RUBCN: variants seen among roughly 807,000 people sequenced by gnomAD.
RUBCN encodes the protein run domain Beclin-1-interacting and cysteine-rich domain-containing protein.
A neutral mutation model predicts 113.2 loss-of-function variants in RUBCN; 74 were observed. The ratio of observed to expected loss-of-function variants is 0.65; its 90% CI spans 0.54 to 0.79. RUBCN has a LOEUF of 0.79. RUBCN is among the 30% of genes least tolerant of loss of function. The pLI, the probability that RUBCN is intolerant of heterozygous loss-of-function variation, is 0.00. For missense variants in RUBCN, 1,109 were observed against 1,251.7 expected, an observed-to-expected ratio of 0.89 and a Z score of 1.72; for synonymous variants, 480 against 490.0, an observed-to-expected ratio of 0.98 and a Z score of 0.27.
At chr3:197,726,747 G>C (rs1726806197) in intron 1 of RUBCN, among the ~76,000 whole-genome samples, 1 of 145,502 alleles carries the variant, frequency 6.9e-6, no homozygotes, top group Non-Finnish European at 1.5e-5. Flanking sequence ...TCACCATGTT[G>C]GTCAGGCTGG....
chr3:197,699,092 C>G (rs1723343697), intron 7 of RUBCN: 3 of 862,262 alleles, frequency 3.5e-6, no homozygotes, highest in Non-Finnish European at 5.8e-6. Context: ...CCAGGCTAGC[C>G]AGACTTGATT....
intron 2 of RUBCN, among the ~76,000 whole-genome samples, chr3:197,711,911 C>A (rs967121731): frequency 5.3e-5 from 8 of 151,532 alleles, no homozygotes; most frequent in African/African-American, 1.9e-4. Flanking sequence ...AGAAAATATA[C>A]CTCAATGTTA....
intron 2 of RUBCN, among the ~76,000 whole-genome samples, chr3:197,717,744 A>C (rs775374054): frequency 6.6e-6 from 1 of 152,088 alleles, no homozygotes; most frequent in Non-Finnish European, 1.5e-5. Flanking sequence ...TTTTAAGTTG[A>C]CCTAATCTTT....
chr3:197,670,804 T>A lies in RUBCN; in HGVS notation c.*4214A>T, dbSNP rs1719715017. Among the ~76,000 whole-genome samples, 1 of 152,206 alleles carries A rather than the reference T, an allele frequency of 6.6e-6. No homozygotes were observed. The highest frequency in any genetic ancestry group is 1.5e-5 in the Non-Finnish European group (1 of 68,036). On this transcript the variant is annotated 3_prime_UTR_variant, in exon 20 of 20. Coordinates refer to ENST00000296343, the MANE Select transcript of RUBCN (RefSeq NM_014687.4). ...GGCAAGGAAAGAGCTGGCAGTTTAA[T>A]AATAAAGTGACTGAAGGACATTTGG...
intron 11 of RUBCN, 32 bp from the exon 12 acceptor site, chr3:197,684,249 A>G: frequency 1.3e-6 from 2 of 1,579,526 alleles, no homozygotes; most frequent in South Asian, 1.1e-5. Context: ...GGGGAGCGCA[A>G]TGGAAACGGG....
At chr3:197,689,729 T>C (rs1395810329) in intron 11 of RUBCN, among the ~76,000 whole-genome samples, 1 of 152,264 alleles carries the variant, frequency 6.6e-6, no homozygotes, top group Non-Finnish European at 1.5e-5. Flanking sequence ...GCACAAGTGA[T>C]ATTTTGATAC....
rs772081815 is a variant in RUBCN at position 197,705,100 on chromosome 3, C to T, written c.295G>A (p.Val99Met). 6.3e-5 allele frequency: 102 copies of T among 1,613,168 alleles called. 1 individual carries two copies. Among genetic ancestry groups the T allele is most frequent in the Non-Finnish European group, 8.1e-5 (96 of 1,179,340 alleles). Residue 99 changes from valine (V) to methionine (M), a missense_variant, in exon 3 of 20, where the codon GTG becomes ATG. Val to Met is a conservative substitution (Grantham distance 21, BLOSUM62 1). Coordinates refer to ENST00000296343, the MANE Select transcript of RUBCN (RefSeq NM_014687.4). ...TCTGCTCTCACTCTTACCTTCTCCACGTGAAGGGCTGAGTGGGGACTGAGC... is the reference window on the plus strand; with the variant it reads ...TCTGCTCTCACTCTTACCTTCTCCATGTGAAGGGCTGAGTGGGGACTGAGC... ...RWLSPHSALH[V>M]EKFISVHEND...
chr3:197,683,535 G>A lies in RUBCN; in HGVS notation c.1848-96C>T. The A allele has an allele frequency of 7.0e-7, 1 of 1,435,050 alleles. No homozygotes were observed. Among genetic ancestry groups the A allele is most frequent in the African/African-American group, 1.4e-5 (1 of 71,256 alleles). 88.9% of individuals were successfully genotyped at this position (1,435,050 alleles called of 1,614,324 possible). A position where few individuals can be genotyped will look rare whatever the true frequency, so the allele number is the denominator to read the frequency against. On this transcript the variant is annotated intron_variant, in intron 12 of 19. Transcript: ENST00000296343. The surrounding 1 kb of genome is among the most constrained non-coding windows in gnomAD (Gnocchi z 4.6). ...TCTCATCCCCCACGCAGCAACTTCT[G>A]GGCTGGAAGAACACCCGCAGCACCC... is the stretch of plus-strand genomic sequence containing the variant.
upstream of RUBCN, among the ~76,000 whole-genome samples, chr3:197,738,747 A>AT (rs1326046106): frequency 2.7e-5 from 4 of 149,436 alleles, no homozygotes; most frequent in Non-Finnish European, 1.5e-5. Flanking sequence ...TGCCCAGCTA[A>AT]TTTGTTTTTT....
intron 4 of RUBCN, 130 bp downstream of exon 4, chr3:197,704,412 T>G: frequency 1.1e-6 from 1 of 876,094 alleles, no homozygotes; most frequent in Non-Finnish European, 1.9e-6. Flanking sequence ...CCAGCCTGGG[T>G]GACAAGAGCG....
At position 197,711,763 on chromosome 3, in the gene RUBCN, T is replaced by C. The variant is rs1385041604; in HGVS notation, c.219+6214A>G. 7.2e-5 allele frequency among the ~76,000 whole-genome samples: 11 copies of C among 152,316 alleles called. No individual in the cohort carries two copies. The East Asian group carries it at 2.1e-3, about 29-fold the overall frequency. On this transcript the variant is annotated intron_variant, in intron 2 of 19. Transcript: ENST00000296343. ...CAGAAGGGAGCAAGACTTTTCACTG[T>C]ATAGTTTTATACTTTTTTGATTATC... is the stretch of plus-strand genomic sequence containing the variant.
intron 1 of RUBCN, among the ~76,000 whole-genome samples, chr3:197,736,094 A>C (rs995337152): frequency 3.3e-5 from 5 of 152,088 alleles, no homozygotes; most frequent in Middle Eastern, 6.3e-3. Flanking sequence ...TTCTGGTCTC[A>C]TTAGCAGTCC....
chr3:197,704,280 C>A (rs1724033577), intron 4 of RUBCN, among the ~76,000 whole-genome samples: 1 of 152,080 alleles, frequency 6.6e-6, no homozygotes, highest in African/African-American at 2.4e-5. Context: ...ACTAAAATTA[C>A]AAAATTAGCT....
chr3:197,701,249 C>T (rs1383718609), intron 6 of RUBCN, 103 bp from the exon 7 acceptor site: 21 of 1,055,744 alleles, frequency 2.0e-5, no homozygotes, highest in South Asian at 8.9e-5. Flanking sequence ...ACCTCAGAAA[C>T]GGCAAGCCAA....
Position 197,718,028 on chromosome 3 carries a change from C to A in RUBCN, c.168G>T (p.Arg56=), listed in dbSNP as rs1203544255. 6.2e-7 allele frequency: 1 copy of A among 1,614,056 alleles called. No individual in the cohort carries two copies. Among genetic ancestry groups the A allele is most frequent in the East Asian group, 2.2e-5 (1 of 44,906 alleles). The stretch of plus-strand genomic sequence containing the variant: ...GGATGCTCTGCATGTCCCTGCAAAG[C>A]CGCTCCAAGCCACCATACTTAGACC... ...NVWSKYGGLE[R]LCRDMQSILY... Residue 56 remains arginine (R), a synonymous_variant, in exon 2 of 20, where the codon CGG becomes CGT. Transcript: ENST00000296343.
chr3:197,739,616 ATG>A (rs1411695214), upstream of RUBCN, among the ~76,000 whole-genome samples: 1 of 150,878 alleles, frequency 6.6e-6, no homozygotes, highest in Non-Finnish European at 1.5e-5. Context: ...GAATGGCGTG[ATG>A]AACCCGGGAG....
At chr3:197,696,348 G>A (rs1387082466) in intron 8 of RUBCN, among the ~76,000 whole-genome samples, 1 of 150,870 alleles carries the variant, frequency 6.6e-6, no homozygotes, top group East Asian at 2.0e-4. Context: ...CTCCAGCCTG[G>A]GCAACAAGAG....
intron 1 of RUBCN, among the ~76,000 whole-genome samples, chr3:197,727,415 C>A (rs368690949): frequency 3.9e-5 from 6 of 152,188 alleles, no homozygotes; most frequent in African/African-American, 1.4e-4. Flanking sequence ...CTGTGAACTT[C>A]CATTGCATAA....
chr3:197,681,980 A>G lies in RUBCN; in HGVS notation c.2127-81T>C. Reference sequence around the variant, plus strand: ...GGTGTGAAGGAGTGAGCACACATACATACAGCTCCAGTTAAGTATGGGAAG... The same window carrying G: ...GGTGTGAAGGAGTGAGCACACATACGTACAGCTCCAGTTAAGTATGGGAAG... On this transcript the variant is annotated intron_variant, in intron 14 of 19. Transcript: ENST00000296343. The surrounding 1 kb of genome is among the most constrained non-coding windows in gnomAD (Gnocchi z 5.5). 3 of 1,031,408 alleles carry G rather than the reference A, an allele frequency of 2.9e-6. No homozygotes were observed. The highest frequency in any genetic ancestry group is 2.5e-5 in the South Asian group (2 of 78,434). The allele number at this position is 1,031,408 out of a possible 1,614,324, so 63.9% of individuals were successfully genotyped here. A position where few individuals can be genotyped will look rare whatever the true frequency, so the allele number is the denominator to read the frequency against.
Sources: gnomAD v4.1 joint callset for allele counts (sites outside exome capture counted in the v4.1 genomes callset) on GRCh38, gnomAD v4.1.1 for gene constraint, Gnocchi (gnomAD v3.1) non-coding constraint, MANE v1.5 for transcripts, NCBI Gene and HGNC (gene_info 2026-07-23, HGNC 2026-07-21) for gene names.